The following MALRD1 variants were observed in gnomAD, a reference collection of about 807,000 sequenced individuals.
MALRD1 encodes the protein MAM and LDL-receptor class A domain-containing protein 1.
MALRD1 carries 247 observed loss-of-function variants against 242.1 expected under a neutral mutation model. The observed-to-expected ratio is 1.02, with a 90% CI of 0.92 to 1.13. MALRD1 has a LOEUF of 1.13. Among genes scored for constraint, MALRD1 ranks in the 50% most tolerant of loss-of-function variants. The pLI is 0.00. For synonymous variants in MALRD1, 995 were observed against 866.6 expected (o/e 1.15, Z -2.60); for missense variants, 2,989 against 2,533.1 (o/e 1.18, Z -3.86).
chr10:19,159,544 G>A (rs982956181), intron 12 of MALRD1, among the ~76,000 whole-genome samples: 2 of 151,922 alleles, frequency 1.3e-5, no homozygotes, highest in Admixed American at 6.6e-5. Flanking sequence ...GGAGCTCTGA[G>A]ATTGAGAAGG....
intron 26 of MALRD1, among the ~76,000 whole-genome samples, chr10:19,363,835 C>T (rs1845000264): frequency 6.6e-6 from 1 of 152,052 alleles, no homozygotes; most frequent in Non-Finnish European, 1.5e-5. Flanking sequence ...AATTCTAACT[C>T]CCAAGACATC....
At chr10:19,338,861 G>A (rs553402888) in intron 24 of MALRD1, among the ~76,000 whole-genome samples, 3 of 148,938 alleles carry the variant, frequency 2.0e-5, no homozygotes, top group Admixed American at 6.7e-5. Context: ...CTAACTATAT[G>A]TATATATATA....
At chr10:19,143,462 A>G (rs73591928) in intron 10 of MALRD1, among the ~76,000 whole-genome samples, 5,517 of 152,304 alleles carry the variant, frequency 0.036, 307 homozygotes, top group African/African-American at 0.12. Flanking sequence ...ATGGACTTGT[A>G]TAGCAATGCA....
chr10:19,436,737 A>C (rs1834365261), intron 28 of MALRD1, among the ~76,000 whole-genome samples: 1 of 152,094 alleles, frequency 6.6e-6, no homozygotes, highest in African/African-American at 2.4e-5. Context: ...CAGATTCTGC[A>C]TTTCTTCCTG....
At chr10:19,306,594 T>A (rs1208734236) in intron 21 of MALRD1, among the ~76,000 whole-genome samples, 1 of 149,612 alleles carries the variant, frequency 6.7e-6, no homozygotes, top group African/African-American at 2.4e-5. Context: ...ACTGTATATA[T>A]ACTTAATTGT....
chr10:19,500,073 T>A (rs1282542622), intron 31 of MALRD1, among the ~76,000 whole-genome samples: 2 of 152,178 alleles, frequency 1.3e-5, no homozygotes, highest in Admixed American at 6.6e-5. Flanking sequence ...TGTAGTTTAC[T>A]TTTTTCACTG....
At position 19,327,674 on chromosome 10, in the gene MALRD1, G is replaced by A. The variant is rs1037442925; in HGVS notation, c.3687+1G>A. On this transcript the variant is annotated splice_donor_variant, in intron 23 of 39. Transcript: ENST00000454679. LOFTEE classifies it high-confidence loss of function. ...TTTAGGCATTCGTTCACATACACAG[G>A]TGTGTAATACAGGTAGTTATGGGGT... is the stretch of plus-strand genomic sequence containing the variant. The A allele has an allele frequency of 1.9e-6, 3 of 1,545,444 alleles. No homozygotes were observed. The highest frequency in any genetic ancestry group is 1.4e-5 in the African/African-American group (1 of 72,914).
At chr10:19,316,194 A>G (rs564858537) in intron 21 of MALRD1, among the ~76,000 whole-genome samples, 3 of 151,672 alleles carry the variant, frequency 2.0e-5, no homozygotes, top group Non-Finnish European at 4.4e-5. Context: ...TACATGTTCT[A>G]TTAACACTGT....
chr10:19,246,974 C>T (rs1227629711), intron 18 of MALRD1, among the ~76,000 whole-genome samples: 1 of 151,942 alleles, frequency 6.6e-6, no homozygotes, highest in Non-Finnish European at 1.5e-5. Context: ...GTATGACTTA[C>T]TGCCATCAAA....
intron 32 of MALRD1, among the ~76,000 whole-genome samples, chr10:19,564,361 A>G (rs1240399022): frequency 1.3e-5 from 2 of 152,292 alleles, no homozygotes; most frequent in Admixed American, 6.5e-5. Context: ...GTTTAAATTT[A>G]GCAAGTTCTC....
chr10:19,502,018 AAAAAAAAG>A (rs1380000547), intron 31 of MALRD1, among the ~76,000 whole-genome samples: 4 of 111,524 alleles, frequency 3.6e-5, no homozygotes, highest in African/African-American at 1.5e-4. Context: ...GTCTCAAAAA[AAAAAAAAG>A]AAAAGAAAAG....
rs1213281113 is a variant in MALRD1, at chr10:19,066,872, A to C, written c.340+13A>C. On this transcript the variant is annotated intron_variant, in intron 2 of 39. Transcript: ENST00000454679. ...GGTGATGTGTCTGGTAAATGCTTTA[A>C]ATTTATTTTCTCCCCTCTCTCCCTT... The C allele has an allele frequency of 8.1e-7, 1 of 1,233,166 alleles. No individual in the cohort carries two copies. The highest frequency in any genetic ancestry group is 3.2e-5 in the East Asian group (1 of 31,640). The allele number at this position is 1,233,166 out of a possible 1,614,324, so 76.4% of individuals were successfully genotyped here. A position where few individuals can be genotyped will look rare whatever the true frequency, so the allele number is the denominator to read the frequency against.
At chr10:19,516,040 A>G (rs1589184008) in intron 31 of MALRD1, among the ~76,000 whole-genome samples, 1 of 152,216 alleles carries the variant, frequency 6.6e-6, no homozygotes. Context: ...AGTTATTTTC[A>G]TTGCTGACAA....
At chr10:19,560,145 C>T (rs1176147124) in intron 32 of MALRD1, among the ~76,000 whole-genome samples, 1 of 152,160 alleles carries the variant, frequency 6.6e-6, no homozygotes, top group Admixed American at 6.6e-5. Context: ...TGGGTATATA[C>T]CCAAAGGATT....
intron 28 of MALRD1, among the ~76,000 whole-genome samples, chr10:19,392,907 CCAAA>C (rs1846398123): frequency 6.6e-6 from 1 of 152,120 alleles, no homozygotes; most frequent in African/African-American, 2.4e-5. Context: ...TTCAACCAAG[CCAAA>C]CACTGTGTGC....
chr10:19,683,196 A>G (rs557931676), intron 36 of MALRD1, among the ~76,000 whole-genome samples: 1 of 152,238 alleles, frequency 6.6e-6, no homozygotes, highest in South Asian at 2.1e-4. Context: ...AACAGAAACT[A>G]TGGCAGTCAC....
chr10:19,711,698 G>C (rs1481502012), intron 38 of MALRD1, among the ~76,000 whole-genome samples: 1 of 152,190 alleles, frequency 6.6e-6, no homozygotes, highest in East Asian at 1.9e-4. Flanking sequence ...CACAGACTGT[G>C]ACAGGGAATT....
chr10:19,663,682 T>G (rs1402154388), intron 36 of MALRD1, among the ~76,000 whole-genome samples: 2 of 152,058 alleles, frequency 1.3e-5, no homozygotes, highest in East Asian at 3.9e-4. Context: ...TCCACAGAGC[T>G]CCCACAACCC....
intron 18 of MALRD1, among the ~76,000 whole-genome samples, chr10:19,216,044 T>C (rs1837298385): frequency 6.6e-6 from 1 of 151,706 alleles, no homozygotes; most frequent in Non-Finnish European, 1.5e-5. Flanking sequence ...AGGTAGAGTA[T>C]TGAAAAATAA....
Sources: gnomAD v4.1 joint callset for allele counts (sites outside exome capture counted in the v4.1 genomes callset) on GRCh38, gnomAD v4.1.1 for gene constraint, MANE v1.5 for transcripts, NCBI Gene and HGNC (gene_info 2026-07-23, HGNC 2026-07-21) for gene names.